TRPS1: variants seen among roughly 807,000 people sequenced by gnomAD.
TRPS1 encodes transcriptional repressor GATA binding 1.
TRPS1 carries 6 observed loss-of-function variants against 101.2 expected under a neutral mutation model. That is an observed-to-expected ratio of 0.06 (90% CI 0.03 to 0.12). TRPS1 has a LOEUF of 0.12. TRPS1 is among the 10% of genes least tolerant of loss of function. The pLI is 1.00. For missense variants in TRPS1, 1,363 were observed against 1,567.0 expected (o/e 0.87, Z 2.20); for synonymous variants, 578 against 589.8 (o/e 0.98, Z 0.29).
At chr8:115,618,911 A>G (rs1351673578) in intron 3 of TRPS1, among the ~76,000 whole-genome samples, 23 of 152,222 alleles carry the variant, frequency 1.5e-4, no homozygotes. Context: ...CCAAATTTAA[A>G]AAAATGCTAG....
chr8:115,584,151 C>G (rs1242892498), intron 5 of TRPS1, among the ~76,000 whole-genome samples: 1 of 152,014 alleles, frequency 6.6e-6, no homozygotes, highest in African/African-American at 2.4e-5. Flanking sequence ...TATTTACCAG[C>G]ATAGTATTGA....
At chr8:115,630,669 T>C (rs1818619500) in intron 1 of TRPS1, among the ~76,000 whole-genome samples, 1 of 152,070 alleles carries the variant, frequency 6.6e-6, no homozygotes. Context: ...AGCCAGGAAC[T>C]GTGCCAAGAG....
intron 5 of TRPS1, among the ~76,000 whole-genome samples, chr8:115,572,259 T>C (rs755810527): frequency 2.6e-5 from 4 of 152,100 alleles, no homozygotes; most frequent in African/African-American, 4.8e-5. Context: ...TTTTTTAACA[T>C]AGATTTTTAG....
chr8:115,602,080 C>G (rs966146908), intron 4 of TRPS1, among the ~76,000 whole-genome samples: 1 of 152,080 alleles, frequency 6.6e-6, no homozygotes, highest in Non-Finnish European at 1.5e-5. Flanking sequence ...AATGCCTCAG[C>G]TGCATCAATA....
intron 1 of TRPS1, among the ~76,000 whole-genome samples, chr8:115,640,609 C>T (rs1312763269): frequency 6.6e-6 from 1 of 152,122 alleles, no homozygotes; most frequent in South Asian, 2.1e-4. Context: ...TGGGAAAAAC[C>T]CTGGAAATGA....
chr8:115,609,823 C>T (rs543631123), intron 3 of TRPS1, among the ~76,000 whole-genome samples: 2 of 152,234 alleles, frequency 1.3e-5, no homozygotes, highest in African/African-American at 4.8e-5. Context: ...AAGTGTTTTC[C>T]ATGGCTTTCA....
chr8:115,544,394 T>C (rs976395319), intron 5 of TRPS1, among the ~76,000 whole-genome samples: 2 of 151,896 alleles, frequency 1.3e-5, no homozygotes, highest in African/African-American at 4.8e-5. Flanking sequence ...AAATGCTGGA[T>C]TGGAGGCAGG....
chr8:115,417,846 G>C (rs545543595), intron 6 of TRPS1, among the ~76,000 whole-genome samples: 3 of 152,034 alleles, frequency 2.0e-5, no homozygotes, highest in African/African-American at 7.2e-5. Flanking sequence ...CTGTCCTTCC[G>C]AATGTGCCCC....
At chr8:115,650,330 G>A (rs1409319869) in intron 1 of TRPS1, among the ~76,000 whole-genome samples, 2 of 152,164 alleles carry the variant, frequency 1.3e-5, no homozygotes, top group Admixed American at 1.3e-4. Context: ...AGGTTTCTAG[G>A]AAGCTTTGGA....
At chr8:115,472,687 C>T (rs539282056) in intron 5 of TRPS1, among the ~76,000 whole-genome samples, 2 of 152,246 alleles carry the variant, frequency 1.3e-5, no homozygotes, top group South Asian at 4.1e-4. Flanking sequence ...AATTCCAAAC[C>T]ATGTCTTTGT....
At chr8:115,550,860 G>A (rs941474342) in intron 5 of TRPS1, among the ~76,000 whole-genome samples, 1 of 152,152 alleles carries the variant, frequency 6.6e-6, no homozygotes, top group African/African-American at 2.4e-5. Context: ...CTTCCATTGA[G>A]GGACTTCCTT....
At chr8:115,571,601 G>A (rs1236951269) in intron 5 of TRPS1, among the ~76,000 whole-genome samples, 1 of 152,094 alleles carries the variant, frequency 6.6e-6, no homozygotes, top group Admixed American at 6.6e-5. Flanking sequence ...ATTAAGATAT[G>A]TAACAGTGTT....
chr8:115,651,576 G>T (rs1463762684), intron 1 of TRPS1, among the ~76,000 whole-genome samples: 1 of 152,186 alleles, frequency 6.6e-6, no homozygotes, highest in Non-Finnish European at 1.5e-5. Context: ...GAACAAAAAT[G>T]AATTACGTAT....
At chr8:115,438,404 G>A (rs570977459) in intron 5 of TRPS1, among the ~76,000 whole-genome samples, 3 of 152,330 alleles carry the variant, frequency 2.0e-5, no homozygotes, top group Admixed American at 6.5e-5. Context: ...GACCTGATAG[G>A]TGCTCTAATA....
At chr8:115,648,699 T>C (rs1054624469) in intron 1 of TRPS1, among the ~76,000 whole-genome samples, 2 of 152,054 alleles carry the variant, frequency 1.3e-5, no homozygotes, top group Non-Finnish European at 2.9e-5. Flanking sequence ...ATTATTATTT[T>C]ATTTCTCTCG....
chr8:115,521,080 G>A (rs1037621090), intron 5 of TRPS1, among the ~76,000 whole-genome samples: 22 of 151,736 alleles, frequency 1.4e-4, no homozygotes, highest in Admixed American at 2.6e-4. Context: ...AACAATAGAA[G>A]TTATCAATAT....
intron 5 of TRPS1, among the ~76,000 whole-genome samples, chr8:115,535,714 T>A (rs1477971817): frequency 6.6e-6 from 1 of 150,582 alleles, no homozygotes; most frequent in African/African-American, 2.4e-5. Context: ...ACAAAAAAAA[T>A]TACATATATA....
At chr8:115,586,454 A>AT (rs1329211857) in intron 5 of TRPS1, among the ~76,000 whole-genome samples, 1 of 151,574 alleles carries the variant, frequency 6.6e-6, no homozygotes, top group South Asian at 2.1e-4. Flanking sequence ...GCCTTTTCTC[A>AT]TTTTTCCCCC....
chr8:115,583,959 C>T (rs1322247344), intron 5 of TRPS1, among the ~76,000 whole-genome samples: 1 of 151,858 alleles, frequency 6.6e-6, no homozygotes, highest in African/African-American at 2.4e-5. Flanking sequence ...GAAATTTTAG[C>T]TCTTCTTGTG....
Sources: gnomAD v4.1 joint callset for allele counts (sites outside exome capture counted in the v4.1 genomes callset) on GRCh38, gnomAD v4.1.1 for gene constraint, MANE v1.5 for transcripts, NCBI Gene and HGNC (gene_info 2026-07-23, HGNC 2026-07-21) for gene names.